Variants in PEPD observed in about 807,000 individuals in gnomAD.
PEPD encodes the protein peptidase D, also known as xaa-Pro dipeptidase.
Under a neutral mutation model 60.7 loss-of-function variants are expected in PEPD, and 53 were observed. The ratio of observed to expected loss-of-function variants is 0.87; its 90% CI spans 0.70 to 1.10. PEPD has a LOEUF of 1.10. Among genes scored for constraint, PEPD ranks in the 50% least tolerant of loss-of-function variants. The pLI is 0.00. For missense variants in PEPD, 711 were observed against 711.9 expected (o/e 1.00, Z 0.01); for synonymous variants, 267 against 284.1 (o/e 0.94, Z 0.60).
chr19:33,407,756 ACT>A (rs1380507731), intron 11 of PEPD, among the ~76,000 whole-genome samples: 1 of 152,074 alleles, frequency 6.6e-6, no homozygotes. Flanking sequence ...GCGGGAAAAG[ACT>A]CTGAGAACAA....
chr19:33,503,763 T>C (rs1402498396), intron 3 of PEPD, among the ~76,000 whole-genome samples: 1 of 152,090 alleles, frequency 6.6e-6, no homozygotes, highest in Non-Finnish European at 1.5e-5. Flanking sequence ...TCTAGCCCCC[T>C]CCCTTCATTG....
intron 9 of PEPD, among the ~76,000 whole-genome samples, chr19:33,452,135 A>T (rs187971154): frequency 1.3e-5 from 2 of 152,212 alleles, no homozygotes; most frequent in Admixed American, 1.3e-4. Context: ...AACCAAAAAG[A>T]TTCACACCAG....
chr19:33,463,923 G>A (rs1639724343), intron 8 of PEPD, 64 bp downstream of exon 8: 4 of 1,076,336 alleles, frequency 3.7e-6, no homozygotes, highest in Non-Finnish European at 2.8e-6. Flanking sequence ...TCATCCTCAC[G>A]CAGTTCTCTC....
rs1971146371 is a variant in PEPD at position 33,521,779 on chromosome 19, T to G, written c.-19A>C. ...CCGCCATGTTCGCCCGGCACCGGCGTCACGTGAAGTGCGGCGTCAGCTGAG... is the reference window on the plus strand; with the variant it reads ...CCGCCATGTTCGCCCGGCACCGGCGGCACGTGAAGTGCGGCGTCAGCTGAG... On this transcript the variant is annotated 5_prime_UTR_variant, in exon 1 of 15. Transcript: ENST00000244137. The G allele has an allele frequency of 6.4e-7, 1 of 1,566,838 alleles. No individual in the cohort carries two copies. The highest frequency in any genetic ancestry group is 8.6e-7 in the Non-Finnish European group (1 of 1,161,260).
intron 12 of PEPD, among the ~76,000 whole-genome samples, chr19:33,401,317 C>A (rs961932368): frequency 6.6e-6 from 1 of 152,258 alleles, no homozygotes; most frequent in Non-Finnish European, 1.5e-5. Flanking sequence ...GGCTTTCCAT[C>A]CAAGGTCACA....
At chr19:33,515,435 C>T (rs1371562722) in intron 1 of PEPD, among the ~76,000 whole-genome samples, 2 of 152,152 alleles carry the variant, frequency 1.3e-5, no homozygotes, top group African/African-American at 4.8e-5. Flanking sequence ...CCACGCTCAG[C>T]CATTGGGATG....
chr19:33,472,092 C>T (rs1450530355), intron 7 of PEPD, among the ~76,000 whole-genome samples: 1 of 150,364 alleles, frequency 6.7e-6, no homozygotes, highest in East Asian at 2.0e-4. Context: ...ACCTGGGAGG[C>T]GGAAGTTGCA....
intron 9 of PEPD, among the ~76,000 whole-genome samples, chr19:33,434,936 G>C (rs1458252271): frequency 1.3e-5 from 2 of 152,134 alleles, no homozygotes; most frequent in African/African-American, 2.4e-5. Context: ...GGAGGGGGCA[G>C]GTACAAACCC....
At chr19:33,390,555 C>T (rs1184420954) in intron 13 of PEPD, among the ~76,000 whole-genome samples, 1 of 152,212 alleles carries the variant, frequency 6.6e-6, no homozygotes, top group African/African-American at 2.4e-5. Flanking sequence ...TGCACGATTG[C>T]ACAATCAGCC....
chr19:33,405,830 C>CAAA lies in PEPD; in HGVS notation c.819-3962_819-3961insTTT, dbSNP rs1328873391. On this transcript the variant is annotated intron_variant, in intron 11 of 14. Coordinates refer to ENST00000244137, the MANE Select transcript of PEPD (RefSeq NM_000285.4). Reference sequence around the variant, plus strand: ...CCTTTTCGTGTGACGGCCACTCCTCCAGGGCCTCGGCAGACAGGAAAGCTG... The same window carrying CAAA: ...CCTTTTCGTGTGACGGCCACTCCTCCAAAAGGGCCTCGGCAGACAGGAAAGCTG... 1.7e-3 allele frequency among the ~76,000 whole-genome samples: 253 copies of CAAA among 152,370 alleles called. 2 individuals are homozygous for CAAA. The highest frequency in any genetic ancestry group is 1.2e-3 in the Non-Finnish European group (83 of 68,030).
chr19:33,471,995 C>G (rs558071632), intron 7 of PEPD, among the ~76,000 whole-genome samples: 103 of 152,242 alleles, frequency 6.8e-4, no homozygotes, highest in African/African-American at 2.4e-3. Context: ...AACCCCGTCT[C>G]TACTAAAAAT....
intron 1 of PEPD, among the ~76,000 whole-genome samples, chr19:33,518,958 G>A (rs1466445935): frequency 6.6e-6 from 1 of 152,184 alleles, no homozygotes; most frequent in Non-Finnish European, 1.5e-5. Context: ...TCATATAGAG[G>A]ACAAGAACAT....
At chr19:33,434,303 C>T (rs1292462136) in intron 9 of PEPD, among the ~76,000 whole-genome samples, 1 of 152,156 alleles carries the variant, frequency 6.6e-6, no homozygotes, top group East Asian at 1.9e-4. Context: ...CATGTGTCTC[C>T]GGTGCACATG....
intron 9 of PEPD, among the ~76,000 whole-genome samples, chr19:33,451,574 G>C (rs1969701435): frequency 1.3e-5 from 2 of 152,206 alleles, no homozygotes; most frequent in Admixed American, 6.5e-5. Flanking sequence ...CTGTAGAAAA[G>C]AGAACAGATG....
chr19:33,421,653 G>A lies in PEPD; in HGVS notation c.672-8010C>T, dbSNP rs551634217. Among the ~76,000 whole-genome samples the A allele has an allele frequency of 1.4e-3, 216 of 152,094 alleles. 1 individual carries two copies. The highest frequency in any genetic ancestry group is 2.7e-3 in the South Asian group (13 of 4,810). The stretch of plus-strand genomic sequence containing the variant: ...CTACAGACATGCACCACCATGCCCA[G>A]CTAATTTTTTTTATATGTTTTGTGG... On this transcript the variant is annotated intron_variant, in intron 9 of 14. Coordinates refer to ENST00000244137, the MANE Select transcript of PEPD (RefSeq NM_000285.4).
At chr19:33,427,963 C>T (rs1056337455) in intron 9 of PEPD, among the ~76,000 whole-genome samples, 3 of 152,022 alleles carry the variant, frequency 2.0e-5, no homozygotes, top group Admixed American at 6.6e-5. Context: ...CCCATACCCC[C>T]GTCCTGGCAG....
chr19:33,500,508 A>G (rs1970686915), intron 4 of PEPD, among the ~76,000 whole-genome samples: 1 of 152,152 alleles, frequency 6.6e-6, no homozygotes, highest in African/African-American at 2.4e-5. Context: ...GGGACCTCCA[A>G]TGCTACTCTA....
intron 3 of PEPD, among the ~76,000 whole-genome samples, chr19:33,508,289 C>G (rs143846966): frequency 6.6e-6 from 1 of 152,300 alleles, no homozygotes; most frequent in East Asian, 1.9e-4. Flanking sequence ...GGCACAGGGG[C>G]CCTCGCTCGT....
At chr19:33,413,965 G>A (rs1968835822) in intron 9 of PEPD, among the ~76,000 whole-genome samples, 1 of 152,232 alleles carries the variant, frequency 6.6e-6, no homozygotes, top group Non-Finnish European at 1.5e-5. Context: ...TGGGACTCCT[G>A]GAGCCTGCGC....
Sources: gnomAD v4.1 joint callset for allele counts (sites outside exome capture counted in the v4.1 genomes callset) on GRCh38, gnomAD v4.1.1 for gene constraint, MANE v1.5 for transcripts, NCBI Gene and HGNC (gene_info 2026-07-23, HGNC 2026-07-21) for gene names.